TMEFF2: variants seen among roughly 807,000 people sequenced by gnomAD.
TMEFF2 encodes tomoregulin-2.
In TMEFF2, 28 loss-of-function variants were observed where a neutral mutation model predicts 53.8. The observed-to-expected ratio is 0.52, with a 90% CI of 0.39 to 0.71. The LOEUF (loss-of-function observed/expected upper bound fraction) is 0.71. Among genes scored for constraint, TMEFF2 ranks in the 30% least tolerant of loss-of-function variants. TMEFF2 has a pLI of 0.00. For synonymous variants in TMEFF2, 162 were observed against 166.3 expected (o/e 0.97, Z 0.20); for missense variants, 353 against 455.2 (o/e 0.78, Z 2.04).
At chr2:192,180,595 T>A (rs191339257) in intron 3 of TMEFF2, among the ~76,000 whole-genome samples, 200 of 151,882 alleles carry the variant, frequency 1.3e-3, no homozygotes, top group Middle Eastern at 3.4e-3. Context: ...CTCTGCCTGA[T>A]GTGCCCTTAT....
At chr2:192,088,185 A>G (rs529133436) in intron 4 of TMEFF2, among the ~76,000 whole-genome samples, 9 of 128,646 alleles carry the variant, frequency 7.0e-5, no homozygotes, top group African/African-American at 1.8e-4. Context: ...GCTCATATCA[A>G]ATAGTTATTT....
chr2:192,055,867 G>A lies in TMEFF2; in HGVS notation c.536+1812C>T, dbSNP rs868625602. On this transcript the variant is annotated intron_variant, in intron 5 of 9. Coordinates refer to ENST00000272771, the MANE Select transcript of TMEFF2 (RefSeq NM_016192.4). ...TGTTTACCTCAAGATGGTCAAACCA[G>A]TGCATAGACTCTCTCACTCGGCTCC... Among the ~76,000 whole-genome samples, 3 of 151,366 alleles carry A rather than the reference G, an allele frequency of 2.0e-5. 1 individual carries two copies. The highest frequency in any genetic ancestry group is 6.8e-3 in the Middle Eastern group (2 of 292).
At chr2:192,073,059 A>G (rs1273358146) in intron 4 of TMEFF2, among the ~76,000 whole-genome samples, 1 of 151,950 alleles carries the variant, frequency 6.6e-6, no homozygotes, top group East Asian at 1.9e-4. Context: ...TCCTTTGCCT[A>G]AAAAGGGTTT....
rs549937115 is a variant in TMEFF2 at position 192,013,263 on chromosome 2, T to C, written c.537-14055A>G. On this transcript the variant is annotated intron_variant, in intron 5 of 9. Transcript: ENST00000272771. ...CACTCTTTCCGTGCTCCAACCACAC[T>C]AGACTTTTACTGCTCCTCCAACATG... Among the ~76,000 whole-genome samples the C allele has an allele frequency of 2.8e-4, 43 of 152,262 alleles. No homozygotes were observed. In the South Asian group the frequency reaches 8.7e-3, roughly 31 times the overall value.
At chr2:192,121,603 G>A (rs1376107474) in intron 4 of TMEFF2, among the ~76,000 whole-genome samples, 2 of 152,192 alleles carry the variant, frequency 1.3e-5, no homozygotes, top group East Asian at 3.8e-4. Context: ...GGCTGGGCCT[G>A]CCATTCTGCC....
intron 7 of TMEFF2, among the ~76,000 whole-genome samples, chr2:191,959,297 T>C (rs1335042229): frequency 3.3e-5 from 5 of 152,246 alleles, no homozygotes; most frequent in Non-Finnish European, 7.4e-5. Context: ...TGTTTACAAA[T>C]GGTTTGTTCT....
chr2:192,188,157 A>T (rs1256806306), intron 2 of TMEFF2, among the ~76,000 whole-genome samples: 1 of 152,194 alleles, frequency 6.6e-6, no homozygotes, highest in African/African-American at 2.4e-5. Context: ...AGTAATTTTT[A>T]CTTTTCTGTG....
intron 4 of TMEFF2, among the ~76,000 whole-genome samples, chr2:192,124,569 T>C (rs927019865): frequency 6.6e-6 from 1 of 152,188 alleles, no homozygotes; most frequent in Non-Finnish European, 1.5e-5. Context: ...CCCTATACAG[T>C]TGTGAAACTG....
intron 4 of TMEFF2, among the ~76,000 whole-genome samples, chr2:192,128,169 C>G (rs1014975841): frequency 6.6e-6 from 1 of 151,982 alleles, no homozygotes; most frequent in Non-Finnish European, 1.5e-5. Context: ...TAAAATTTGC[C>G]ATTACAGATA....
chr2:192,054,101 G>A lies in TMEFF2; in HGVS notation c.536+3578C>T, dbSNP rs62180360. 3.2e-3 allele frequency among the ~76,000 whole-genome samples: 483 copies of A among 151,426 alleles called. 1 individual carries two copies. Among genetic ancestry groups the A allele is most frequent in the Middle Eastern group, 6.8e-3 (2 of 294 alleles). ...CTACAGCCCTCTAATCTTCACAGCC[G>A]TGGCCACTTAGCCCCCATCTGGAGG... On this transcript the variant is annotated intron_variant, in intron 5 of 9. Transcript: ENST00000272771.
intron 5 of TMEFF2, among the ~76,000 whole-genome samples, chr2:192,010,804 CA>C (rs1000892681): frequency 6.6e-6 from 1 of 152,068 alleles, no homozygotes; most frequent in African/African-American, 2.4e-5. Flanking sequence ...CTGGCGGGTA[CA>C]AAAAAGCTTT....
chr2:192,186,836 G>T (rs1691327095), intron 2 of TMEFF2, among the ~76,000 whole-genome samples: 1 of 152,162 alleles, frequency 6.6e-6, no homozygotes, highest in Non-Finnish European at 1.5e-5. Flanking sequence ...ACTGGGAGTG[G>T]AGAGTGGAAA....
chr2:192,188,865 ATCTATCTATCTATCTATCTG>A (rs1381181621), intron 2 of TMEFF2, among the ~76,000 whole-genome samples: 51 of 148,604 alleles, frequency 3.4e-4, no homozygotes, highest in African/African-American at 1.2e-3. Context: ...CTATCTATCT[ATCTATCTATCTATCTATCTG>A]TCCATCTACT....
chr2:192,138,754 C>T (rs1327375276), intron 4 of TMEFF2, among the ~76,000 whole-genome samples: 1 of 152,152 alleles, frequency 6.6e-6, no homozygotes, highest in Admixed American at 6.5e-5. Flanking sequence ...TAATCTTTAG[C>T]AGCAAAGAGG....
chr2:192,154,036 A>G (rs1166252426), intron 4 of TMEFF2, among the ~76,000 whole-genome samples: 1 of 151,968 alleles, frequency 6.6e-6, no homozygotes, highest in Non-Finnish European at 1.5e-5. Context: ...TGCTAATTCC[A>G]TTAACCAGTT....
intron 4 of TMEFF2, among the ~76,000 whole-genome samples, chr2:192,141,251 G>A (rs1042606750): frequency 2.0e-5 from 3 of 151,840 alleles, no homozygotes; most frequent in Non-Finnish European, 4.4e-5. Context: ...TCAGGAGTTC[G>A]AGACCAGCCT....
intron 4 of TMEFF2, among the ~76,000 whole-genome samples, chr2:192,109,242 T>C (rs540182000): frequency 1.3e-5 from 2 of 151,882 alleles, no homozygotes; most frequent in South Asian, 4.2e-4. Flanking sequence ...AGTATGAGAG[T>C]TCATGTACTA....
chr2:192,063,705 C>T (rs140111523), intron 4 of TMEFF2, among the ~76,000 whole-genome samples: 1 of 151,646 alleles, frequency 6.6e-6, no homozygotes, highest in African/African-American at 2.4e-5. Flanking sequence ...TTTGTTTTGT[C>T]AGTTTTTGTC....
intron 4 of TMEFF2, among the ~76,000 whole-genome samples, chr2:192,157,535 C>T (rs772922324): frequency 5.3e-5 from 8 of 151,904 alleles, no homozygotes; most frequent in Non-Finnish European, 8.8e-5. Flanking sequence ...TTTGGATATA[C>T]GTTTCTGAAA....
Sources: gnomAD v4.1 joint callset for allele counts (sites outside exome capture counted in the v4.1 genomes callset) on GRCh38, gnomAD v4.1.1 for gene constraint, MANE v1.5 for transcripts, NCBI Gene and HGNC (gene_info 2026-07-23, HGNC 2026-07-21) for gene names.